RBFOX3: variants seen among roughly 807,000 people sequenced by gnomAD.
RBFOX3 encodes RNA binding fox-1 homolog 3.
RBFOX3 carries 17 observed loss-of-function variants against 48.7 expected under a neutral mutation model. The observed-to-expected ratio is 0.35, with a 90% CI of 0.24 to 0.52. The LOEUF (loss-of-function observed/expected upper bound fraction) is 0.52. Among genes scored for constraint, RBFOX3 ranks in the 20% least tolerant of loss-of-function variants. The probability of loss-of-function intolerance (pLI) is 0.94; values close to 1 mark genes in which losing one functional copy is unlikely to be tolerated. For synonymous variants in RBFOX3, 212 were observed against 209.5 expected (o/e 1.01, Z -0.10); for missense variants, 382 against 497.5 (o/e 0.77, Z 2.21).
chr17:79,263,309 C>T (rs1397457792), intron 3 of RBFOX3, among the ~76,000 whole-genome samples: 1 of 152,248 alleles, frequency 6.6e-6, no homozygotes, highest in East Asian at 1.9e-4. Context: ...AGGTGGCCAG[C>T]ACTTTTAAGG....
Position 79,413,373 on chromosome 17 carries a change from C to T in RBFOX3, c.-175+69081G>A, listed in dbSNP as rs79989599. On this transcript the variant is annotated intron_variant, in intron 2 of 14. Coordinates refer to ENST00000693108, the MANE Select transcript of RBFOX3 (RefSeq NM_001350451.2). ...AATGACCATTCACCTGGCTCTCCTTCCAGAACCTGCTGCATCCAGAGGCTT... is the reference window on the plus strand; with the variant it reads ...AATGACCATTCACCTGGCTCTCCTTTCAGAACCTGCTGCATCCAGAGGCTT... Among the ~76,000 whole-genome samples, 1,455 of 152,340 alleles carry T rather than the reference C, an allele frequency of 9.6e-3. 23 individuals carry two copies. Among genetic ancestry groups the T allele is most frequent in the African/African-American group, 0.033 (1,392 of 41,560 alleles).
chr17:79,620,526 T>C, the RBFOX3 span, among the ~76,000 whole-genome samples: 10 of 125,220 alleles, frequency 8.0e-5, 1 homozygote, highest in East Asian at 2.5e-4. Flanking sequence ...TGCACATGCA[T>C]ACGCGCACAT....
At chr17:79,464,545 G>A (rs906108541) in intron 2 of RBFOX3, among the ~76,000 whole-genome samples, 1 of 152,262 alleles carries the variant, frequency 6.6e-6, no homozygotes, top group African/African-American at 2.4e-5. Flanking sequence ...CTGGAGGAAC[G>A]TGCCGTGATG....
At chr17:79,597,120 C>T (rs2093590275) in intron 1 of RBFOX3, among the ~76,000 whole-genome samples, 1 of 152,210 alleles carries the variant, frequency 6.6e-6, no homozygotes, top group African/African-American at 2.4e-5. Context: ...CACATTCACC[C>T]CAAATGCTTC....
chr17:79,352,843 G>A (rs2084224081), intron 2 of RBFOX3, among the ~76,000 whole-genome samples: 1 of 152,228 alleles, frequency 6.6e-6, no homozygotes. Flanking sequence ...GCCCCACCCT[G>A]TCTGCACTGG....
intron 2 of RBFOX3, among the ~76,000 whole-genome samples, chr17:79,384,589 C>G (rs527297372): frequency 5.3e-4 from 80 of 152,352 alleles, no homozygotes; most frequent in African/African-American, 1.8e-3. Flanking sequence ...GGGCCGGAGC[C>G]CTGCCAGCAC....
chr17:79,191,492 A>G (rs1567815339), intron 4 of RBFOX3, among the ~76,000 whole-genome samples: 1 of 152,192 alleles, frequency 6.6e-6, no homozygotes, highest in Non-Finnish European at 1.5e-5. Context: ...AGCTCATTAA[A>G]AGCTCATTAG....
the RBFOX3 span, among the ~76,000 whole-genome samples, chr17:79,616,753 C>T: frequency 2.0e-5 from 3 of 152,252 alleles, no homozygotes; most frequent in East Asian, 5.8e-4. Context: ...CCCACACGAC[C>T]TGAGGGAATG....
chr17:79,586,877 C>T (rs2093267012), intron 1 of RBFOX3, among the ~76,000 whole-genome samples: 2 of 152,200 alleles, frequency 1.3e-5, no homozygotes, highest in African/African-American at 4.8e-5. Context: ...GTTGCAACTG[C>T]TGTCGATATT....
intron 4 of RBFOX3, among the ~76,000 whole-genome samples, chr17:79,226,502 C>T (rs546518862): frequency 1.3e-5 from 2 of 152,126 alleles, no homozygotes; most frequent in African/African-American, 2.4e-5. Flanking sequence ...TGCTATGCTT[C>T]CCACCGTGGT....
At chr17:79,558,939 T>C (rs1189819404) in intron 1 of RBFOX3, among the ~76,000 whole-genome samples, 1 of 152,026 alleles carries the variant, frequency 6.6e-6, no homozygotes, top group Non-Finnish European at 1.5e-5. Context: ...GCAGGTGCCC[T>C]CACATAGCAA....
At chr17:79,524,663 G>T (rs1599039893) in intron 1 of RBFOX3, among the ~76,000 whole-genome samples, 1 of 152,100 alleles carries the variant, frequency 6.6e-6, no homozygotes, top group East Asian at 1.9e-4. Context: ...GGCACTGGGG[G>T]TTAGATCCTG....
chr17:79,114,854 T>C (rs1031524559), intron 5 of RBFOX3, among the ~76,000 whole-genome samples: 3 of 152,110 alleles, frequency 2.0e-5, no homozygotes, highest in African/African-American at 7.2e-5. Flanking sequence ...CTGGTTTTTG[T>C]ACCCAGAGCC....
intron 1 of RBFOX3, chr17:79,601,955 G>C (rs1226465837): frequency 6.6e-6 from 1 of 152,192 alleles, no homozygotes; most frequent in African/African-American, 2.4e-5. Context: ...ACAAGCAGAC[G>C]TATTTTCCAA....
chr17:79,355,867 C>T (rs565151842), intron 2 of RBFOX3, among the ~76,000 whole-genome samples: 4 of 152,206 alleles, frequency 2.6e-5, no homozygotes, highest in African/African-American at 9.7e-5. Flanking sequence ...AGACGTGAAC[C>T]ACCGTGCCTG....
intron 1 of RBFOX3, among the ~76,000 whole-genome samples, chr17:79,590,849 G>A (rs1482619754): frequency 6.6e-6 from 1 of 152,182 alleles, no homozygotes; most frequent in Non-Finnish European, 1.5e-5. Flanking sequence ...CAAGGCCCAG[G>A]AGGACAATAT....
At chr17:79,588,255 C>T (rs908646390) in intron 1 of RBFOX3, among the ~76,000 whole-genome samples, 2 of 152,162 alleles carry the variant, frequency 1.3e-5, no homozygotes, top group African/African-American at 2.4e-5. Context: ...TTGAGCCTTA[C>T]GTGAGCCAGG....
chr17:79,440,804 C>T (rs1412635682), intron 2 of RBFOX3, among the ~76,000 whole-genome samples: 1 of 152,058 alleles, frequency 6.6e-6, no homozygotes, highest in East Asian at 1.9e-4. Flanking sequence ...ACCCCCTCAT[C>T]AGCATCCACA....
Position 79,361,276 on chromosome 17 carries a change from C to T in RBFOX3, c.-174-53452G>A, listed in dbSNP as rs2147281115. ...ACCTGGCCTCTTCCCTCTCCCCAGG[C>T]TGCTGGTTGGCGCCTTGATCCATTT... On this transcript the variant is annotated intron_variant, in intron 2 of 14. Coordinates refer to ENST00000693108, the MANE Select transcript of RBFOX3 (RefSeq NM_001350451.2). The surrounding 1 kb of genome is among the most constrained non-coding windows in gnomAD (Gnocchi z 4.5). Among the ~76,000 whole-genome samples, 1 of 152,308 alleles carries T rather than the reference C, an allele frequency of 6.6e-6. No individual in the cohort carries two copies. The highest frequency in any genetic ancestry group is 2.1e-4 in the South Asian group (1 of 4,814).
Sources: allele counts gnomAD v4.1 joint callset (sites outside exome capture counted in the v4.1 genomes callset), GRCh38; gene constraint gnomAD v4.1.1; non-coding constraint Gnocchi (gnomAD v3.1); transcripts MANE v1.5; gene names NCBI Gene and HGNC (gene_info 2026-07-23, HGNC 2026-07-21).